The following BCAP29 variants were observed in gnomAD, a reference collection of about 807,000 sequenced individuals.
BCAP29 encodes B-cell receptor-associated protein 29.
Under a neutral mutation model 31.8 loss-of-function variants are expected in BCAP29, and 34 were observed. The ratio of observed to expected loss-of-function variants is 1.07; its 90% CI spans 0.81 to 1.42. BCAP29 has a LOEUF of 1.42. Among genes scored for constraint, BCAP29 ranks in the 40% most tolerant of loss-of-function variants. The probability of loss-of-function intolerance (pLI) is 0.00; values close to 1 mark genes in which losing one functional copy is unlikely to be tolerated. For missense variants in BCAP29, 314 were observed against 269.2 expected (o/e 1.17, Z -1.16); for synonymous variants, 104 against 91.3 (o/e 1.14, Z -0.79).
intron 6 of BCAP29, among the ~76,000 whole-genome samples, chr7:107,610,988 A>T (rs1813018745): frequency 6.6e-6 from 1 of 152,212 alleles, no homozygotes; most frequent in Non-Finnish European, 1.5e-5. Context: ...CTGGTGGCTA[A>T]GAAGTCTGAG....
At chr7:107,614,002 A>T (rs1813688581) in intron 7 of BCAP29, among the ~76,000 whole-genome samples, 1 of 152,112 alleles carries the variant, frequency 6.6e-6, no homozygotes, top group Non-Finnish European at 1.5e-5. Context: ...CATCCCTGTT[A>T]GGCTTGTCTT....
chr7:107,586,781 G>A (rs1247307152), intron 3 of BCAP29, among the ~76,000 whole-genome samples: 1 of 136,582 alleles, frequency 7.3e-6, no homozygotes, highest in Non-Finnish European at 1.5e-5. Flanking sequence ...AGGCTGAAAT[G>A]CAGTGGTGCG....
At chr7:107,603,993 G>A (rs1181470697) in intron 6 of BCAP29, among the ~76,000 whole-genome samples, 2 of 152,074 alleles carry the variant, frequency 1.3e-5, no homozygotes, top group Admixed American at 1.3e-4. Context: ...CTTAAAAAGT[G>A]TGCCTCTTGA....
chr7:107,600,589 C>CT, intron 6 of BCAP29, 84 bp downstream of exon 6: 1 of 713,216 alleles, frequency 1.4e-6, no homozygotes, highest in Non-Finnish European at 2.3e-6. Context: ...TAAAACAAAA[C>CT]TAATGCCTAA....
chr7:107,612,388 G>GT (rs1279316751), intron 6 of BCAP29, among the ~76,000 whole-genome samples: 4 of 67,650 alleles, frequency 5.9e-5, no homozygotes, highest in African/African-American at 2.7e-4. Context: ...ACAATGTATT[G>GT]TTTTATATAT....
At position 107,605,449 on chromosome 7, in the gene BCAP29, T is replaced by C. The variant is rs3801945; in HGVS notation, c.589+4944T>C. ...TGGGCTAGTCTACCAAAAACATGAG[T>C]GGAGAGTGCTAAATGCATACTGAAT... is the stretch of plus-strand genomic sequence containing the variant. On this transcript the variant is annotated intron_variant, in intron 6 of 7. Transcript: ENST00000005259. 9.2e-5 allele frequency among the ~76,000 whole-genome samples: 14 copies of C among 152,140 alleles called. No homozygotes were observed. The East Asian group carries it at 2.7e-3, about 29-fold the overall frequency.
Position 107,595,905 on chromosome 7 carries a change from CA to C in BCAP29, c.387del (p.Glu130AsnfsTer29). On this transcript the variant is annotated frameshift_variant, in exon 5 of 8. Transcript: ENST00000005259. LOFTEE classifies it high-confidence loss of function. ...CTGGTTACGCTTATTACTCAACTGG[CA>C]AAAGAACTGTCAAACAAAGGTGTAC... ...RRLVTLITQL[A>X]KELSNKGVLK... 1.2e-6 allele frequency: 2 copies of C among 1,600,570 alleles called. No individual in the cohort carries two copies. Among genetic ancestry groups the C allele is most frequent in the African/African-American group, 1.4e-5 (1 of 74,020 alleles).
At chr7:107,596,084 AT>A in intron 5 of BCAP29, 82 bp downstream of exon 5, 1 of 1,206,498 alleles carries the variant, frequency 8.3e-7, no homozygotes, top group Non-Finnish European at 1.1e-6. Flanking sequence ...CAAAAAGAGC[AT>A]TTTTATATTT....
Position 107,619,499 on chromosome 7 carries a change from T to C in BCAP29, c.*1136T>C, listed in dbSNP as rs1345302196. On this transcript the variant is annotated 3_prime_UTR_variant, in exon 8 of 8. Coordinates refer to ENST00000005259, the MANE Select transcript of BCAP29 (RefSeq NM_018844.4). The stretch of plus-strand genomic sequence containing the variant: ...TGTTACATCCTCTGTTTATTATAAT[T>C]TTAGCACCAACTTCACACCTAGCTA... 2 of 152,146 alleles carry C rather than the reference T, an allele frequency of 1.3e-5. No individual in the cohort carries two copies. Among genetic ancestry groups the C allele is most frequent in the African/African-American group, 2.4e-5 (1 of 41,446 alleles). The allele number at this position is 152,146 out of a possible 1,614,324, so 9.4% of individuals were successfully genotyped here. A position where few individuals can be genotyped will look rare whatever the true frequency, so the allele number is the denominator to read the frequency against.
chr7:107,599,187 A>G (rs867742672), intron 5 of BCAP29, among the ~76,000 whole-genome samples: 31 of 39,280 alleles, frequency 7.9e-4, no homozygotes, highest in Non-Finnish European at 1.3e-3. Flanking sequence ...TAAAATTTAT[A>G]TGTATATAAA....
chr7:107,595,687 A>G, intron 4 of BCAP29, 180 bp from the exon 5 acceptor site: 1 of 517,554 alleles, frequency 1.9e-6, no homozygotes, highest in Non-Finnish European at 3.2e-6. Flanking sequence ...TTCCAAAGGA[A>G]TGAGACACGG....
At chr7:107,586,623 C>T (rs1402384057) in intron 3 of BCAP29, among the ~76,000 whole-genome samples, 5 of 152,002 alleles carry the variant, frequency 3.3e-5, no homozygotes, top group African/African-American at 1.2e-4. Flanking sequence ...CAGTGGATTA[C>T]TCATGCTTAA....
chr7:107,597,427 C>T lies in BCAP29; in HGVS notation c.480+1425C>T, dbSNP rs573231258. ...ACATTATCCAGTGGAAACTGCATTA[C>T]CCTGAGATCCGAGAGACTTAGGTGC... is the stretch of plus-strand genomic sequence containing the variant. On this transcript the variant is annotated intron_variant, in intron 5 of 7. Transcript: ENST00000005259. Among the ~76,000 whole-genome samples the T allele has an allele frequency of 2.0e-5, 3 of 152,238 alleles. No individual in the cohort carries two copies. In the South Asian group the frequency reaches 6.2e-4, roughly 32 times the overall value.
At chr7:107,609,995 ATC>A (rs1812837693) in intron 6 of BCAP29, among the ~76,000 whole-genome samples, 1 of 152,196 alleles carries the variant, frequency 6.6e-6, no homozygotes, top group Non-Finnish European at 1.5e-5. Context: ...CAGTGTTTCT[ATC>A]TCTGGTCGAA....
At chr7:107,622,150 C>T, downstream of BCAP29, 1 of 346,682 alleles carries the variant, frequency 2.9e-6, no homozygotes, top group Non-Finnish European at 5.7e-6. Flanking sequence ...ACTATGACGA[C>T]CTCCTCATCT....
chr7:107,622,916 G>A (rs1215954756), downstream of BCAP29: 4 of 152,134 alleles, frequency 2.6e-5, no homozygotes, highest in African/African-American at 4.8e-5. Flanking sequence ...TCATTCACCT[G>A]TGTTAATACA....
intron 3 of BCAP29, among the ~76,000 whole-genome samples, chr7:107,586,728 CTT>C (rs763602838): frequency 7.6e-5 from 10 of 131,566 alleles, no homozygotes; most frequent in Admixed American, 7.6e-5. Context: ...TGTATTTATT[CTT>C]TTTTTTTTTT....
chr7:107,599,988 A>C (rs567685083), intron 5 of BCAP29, among the ~76,000 whole-genome samples: 2 of 152,260 alleles, frequency 1.3e-5, no homozygotes, highest in East Asian at 3.9e-4. Flanking sequence ...TTGTCTGTAT[A>C]AAAATAGGCT....
chr7:107,612,388 GTT>G (rs1279316751), intron 6 of BCAP29, among the ~76,000 whole-genome samples: 5 of 67,650 alleles, frequency 7.4e-5, no homozygotes, highest in African/African-American at 2.7e-4. Context: ...ACAATGTATT[GTT>G]TTATATATAT....
Sources: gnomAD v4.1 joint callset for allele counts (sites outside exome capture counted in the v4.1 genomes callset) on GRCh38, gnomAD v4.1.1 for gene constraint, MANE v1.5 for transcripts, NCBI Gene and HGNC (gene_info 2026-07-23, HGNC 2026-07-21) for gene names.